TFCP2: variants seen among roughly 807,000 people sequenced by gnomAD.
TFCP2 encodes the protein alpha-globin transcription factor CP2.
In TFCP2, 33 loss-of-function variants were observed where a neutral mutation model predicts 73.4. The ratio of observed to expected loss-of-function variants is 0.45; its 90% CI spans 0.34 to 0.60. TFCP2 has a LOEUF of 0.60. TFCP2 is among the 20% of genes least tolerant of loss of function. The probability of loss-of-function intolerance (pLI) is 0.01; values close to 1 mark genes in which losing one functional copy is unlikely to be tolerated. For missense variants in TFCP2, 352 were observed against 604.0 expected (o/e 0.58, Z 4.37); for synonymous variants, 193 against 211.6 (o/e 0.91, Z 0.76).
At position 51,110,946 on chromosome 12, in the gene TFCP2, A is replaced by G. The variant is rs1320459887; in HGVS notation, c.495T>C (p.Ala165=). The change falls in exon 5 of 15, where the codon GCT becomes GCC. Residue 165 remains alanine (A), a synonymous_variant. Coordinates refer to ENST00000257915, the MANE Select transcript of TFCP2 (RefSeq NM_005653.5). ...PMSVGIIDPR[A]NPTQLNTVEF... is the part of the protein sequence containing the mutation. ...CCACTGTATTTAGTTGAGTTGGATTAGCCCTAGGATCGATTATACCCACAG... is the reference window on the plus strand; with the variant it reads ...CCACTGTATTTAGTTGAGTTGGATTGGCCCTAGGATCGATTATACCCACAG... 6.2e-7 allele frequency: 1 copy of G among 1,614,058 alleles called. No individual in the cohort carries two copies. The highest frequency in any genetic ancestry group is 1.7e-5 in the Admixed American group (1 of 60,016).
intron 1 of TFCP2, chr12:51,125,299 G>T: frequency 1.8e-6 from 1 of 544,058 alleles, no homozygotes; most frequent in South Asian, 1.5e-5. Context: ...AGTCAAAGAT[G>T]ACAGCTCTGT....
At chr12:51,123,418 A>T (rs747809817) in intron 1 of TFCP2, among the ~76,000 whole-genome samples, 4 of 152,208 alleles carry the variant, frequency 2.6e-5, no homozygotes, top group Non-Finnish European at 5.9e-5. Context: ...AAACAAAAAC[A>T]AGTGCATCCA....
At chr12:51,120,177 C>CAAAAAA (rs33982936) in intron 1 of TFCP2, among the ~76,000 whole-genome samples, 13 of 57,268 alleles carry the variant, frequency 2.3e-4, no homozygotes, top group East Asian at 1.2e-3. Flanking sequence ...GACTCTGTCT[C>CAAAAAA]AAAAAAAAAA....
chr12:51,107,638 A>AT (rs1940283524), intron 6 of TFCP2, among the ~76,000 whole-genome samples: 3 of 151,890 alleles, frequency 2.0e-5, no homozygotes, highest in African/African-American at 7.3e-5. Flanking sequence ...ACGGAGTCTC[A>AT]TCCTGTCACA....
intron 4 of TFCP2, among the ~76,000 whole-genome samples, chr12:51,114,497 C>G (rs1014342473): frequency 6.6e-6 from 1 of 151,776 alleles, no homozygotes; most frequent in African/African-American, 2.4e-5. Context: ...CCCAGCTACT[C>G]AGGAGGCTGA....
intron 1 of TFCP2, among the ~76,000 whole-genome samples, chr12:51,172,024 C>T (rs1241935506): frequency 2.6e-5 from 4 of 152,222 alleles, no homozygotes; most frequent in Non-Finnish European, 5.9e-5. Context: ...AAGTCTCCCA[C>T]ATTGGCACAA....
chr12:51,125,521 C>T, intron 1 of TFCP2: 1 of 356,604 alleles, frequency 2.8e-6, no homozygotes. Context: ...GAAAAAGTAA[C>T]TAATTGAAAA....
intron 1 of TFCP2, among the ~76,000 whole-genome samples, chr12:51,123,848 A>C (rs1940739727): frequency 6.6e-6 from 1 of 152,348 alleles, no homozygotes; most frequent in South Asian, 2.1e-4. Context: ...GGAGGCCACT[A>C]AACTCCTATA....
intron 11 of TFCP2, 92 bp downstream of exon 11, chr12:51,101,843 G>T: frequency 1.4e-6 from 1 of 732,176 alleles, no homozygotes; most frequent in Admixed American, 2.2e-5. Flanking sequence ...TTGAGAAGGT[G>T]TATTTAGCTG....
intron 1 of TFCP2, among the ~76,000 whole-genome samples, chr12:51,128,752 T>A (rs1434893327): frequency 6.6e-6 from 1 of 152,200 alleles, no homozygotes; most frequent in Non-Finnish European, 1.5e-5. Flanking sequence ...GAAGGCTCAG[T>A]AGTATGCAAC....
chr12:51,145,886 A>G (rs1247791104), intron 1 of TFCP2, among the ~76,000 whole-genome samples: 1 of 151,564 alleles, frequency 6.6e-6, no homozygotes, highest in Non-Finnish European at 1.5e-5. Flanking sequence ...CAGGAGTTCG[A>G]GGCTGCAGTG....
intron 1 of TFCP2, among the ~76,000 whole-genome samples, chr12:51,134,998 T>C (rs1233758613): frequency 6.6e-6 from 1 of 151,842 alleles, no homozygotes; most frequent in Non-Finnish European, 1.5e-5. Flanking sequence ...TAGTCCCAGC[T>C]ACTCAGGAGG....
At chr12:51,095,933 C>G (rs1939955538) in intron 14 of TFCP2, 56 bp downstream of exon 14, 1 of 1,433,292 alleles carries the variant, frequency 7.0e-7, no homozygotes, top group Non-Finnish European at 9.7e-7. Context: ...TGTACTTTGC[C>G]TAGTAGTAGT....
At chr12:51,147,673 T>C (rs1435594410) in intron 1 of TFCP2, among the ~76,000 whole-genome samples, 2 of 152,106 alleles carry the variant, frequency 1.3e-5, no homozygotes, top group Non-Finnish European at 2.9e-5. Flanking sequence ...AATCTAAGAC[T>C]TGAAACCATA....
chr12:51,109,971 G>A (rs939930617), intron 5 of TFCP2, among the ~76,000 whole-genome samples: 1 of 151,862 alleles, frequency 6.6e-6, no homozygotes, highest in Non-Finnish European at 1.5e-5. Flanking sequence ...TGCCTGCCTC[G>A]GCCTCCCAAA....
At chr12:51,164,321 G>A (rs142549882) in intron 1 of TFCP2, among the ~76,000 whole-genome samples, 150 of 152,040 alleles carry the variant, frequency 9.9e-4, no homozygotes, top group African/African-American at 2.8e-3. Context: ...ACTCTTGGCC[G>A]GGTATGGTGG....
intron 1 of TFCP2, among the ~76,000 whole-genome samples, chr12:51,153,826 ATGT>A (rs896126786): frequency 1.3e-5 from 2 of 152,178 alleles, no homozygotes; most frequent in African/African-American, 4.8e-5. Flanking sequence ...GTTGTGAATA[ATGT>A]TGTTAAACAT....
At chr12:51,108,199 C>T (rs145835561) in intron 6 of TFCP2, among the ~76,000 whole-genome samples, 21 of 151,108 alleles carry the variant, frequency 1.4e-4, no homozygotes, top group Non-Finnish European at 3.0e-4. Context: ...GGCGTGAGAA[C>T]AGCTTGAACC....
At chr12:51,111,906 C>T (rs765198677) in intron 4 of TFCP2, among the ~76,000 whole-genome samples, 4 of 151,852 alleles carry the variant, frequency 2.6e-5, no homozygotes, top group Non-Finnish European at 4.4e-5. Context: ...CCTGTTATCC[C>T]AGCACTTTGG....
Sources: allele counts gnomAD v4.1 joint callset (sites outside exome capture counted in the v4.1 genomes callset), GRCh38; gene constraint gnomAD v4.1.1; transcripts MANE v1.5; gene names NCBI Gene and HGNC (gene_info 2026-07-23, HGNC 2026-07-21).